Variants in PLPPR4 observed in about 807,000 individuals in gnomAD.
PLPPR4 encodes the protein phospholipid phosphatase related 4.
A neutral mutation model predicts 56.6 loss-of-function variants in PLPPR4; 24 were observed. The observed-to-expected ratio is 0.42, with a 90% CI of 0.31 to 0.60. The LOEUF (loss-of-function observed/expected upper bound fraction) is 0.60. Ranked by LOEUF, PLPPR4 falls within the 20% of genes least tolerant of loss-of-function variation. PLPPR4 has a pLI of 0.13. For synonymous variants in PLPPR4, 326 were observed against 328.1 expected (o/e 0.99, Z 0.07); for missense variants, 654 against 885.8 (o/e 0.74, Z 3.32).
Position 99,296,773 on chromosome 1 carries a change from C to T in PLPPR4, c.300C>T (p.Leu100=), listed in dbSNP as rs1391418026. The change falls in exon 3 of 7, where the codon CTC becomes CTT. Residue 100 remains leucine, a synonymous_variant. Transcript: ENST00000370185. ...GAGAAGGAATTCTCTACTGTTGCCT[C>T]TCCAAAAGAAGAAATGGGGTCGGAC... ...MVGEGILYCC[L]SKRRNGVGLE... 2 of 1,605,598 alleles carry T rather than the reference C, an allele frequency of 1.2e-6. No individual in the cohort carries two copies. Among genetic ancestry groups the T allele is most frequent in the Admixed American group, 1.7e-5 (1 of 59,856 alleles).
At chr1:99,291,464 AC>A in intron 2 of PLPPR4, among the ~76,000 whole-genome samples, 1 of 152,360 alleles carries the variant, frequency 6.6e-6, no homozygotes, top group East Asian at 1.9e-4. Flanking sequence ...TATTATAAAG[AC>A]ACATGTACAC....
intron 1 of PLPPR4, among the ~76,000 whole-genome samples, chr1:99,277,617 TATC>T (rs1422597844): frequency 6.6e-6 from 1 of 152,164 alleles, no homozygotes; most frequent in East Asian, 1.9e-4. Context: ...TTCTGCAAAT[TATC>T]AATGATTTTG....
At chr1:99,270,972 T>C (rs1659044137) in intron 1 of PLPPR4, among the ~76,000 whole-genome samples, 1 of 152,182 alleles carries the variant, frequency 6.6e-6, no homozygotes, top group Non-Finnish European at 1.5e-5. Flanking sequence ...TTTCTACAAA[T>C]CTAAGCATCG....
In PLPPR4 at chr1:99,309,198, G is replaced by A. The variant is rs1660124827; in HGVS notation, c.*2188G>A. ...ATGTATATTTGATAACATGTCTTTTGTAAAACAAAAATTACAAAAAAATTT... is the reference window on the plus strand; with the variant it reads ...ATGTATATTTGATAACATGTCTTTTATAAAACAAAAATTACAAAAAAATTT... On this transcript the variant is annotated 3_prime_UTR_variant, in exon 7 of 7. Transcript: ENST00000370185. 6.6e-6 allele frequency: 1 copy of A among 152,328 alleles called. No individual in the cohort carries two copies. Among genetic ancestry groups the A allele is most frequent in the Non-Finnish European group, 1.5e-5 (1 of 67,968 alleles). 9.4% of individuals were successfully genotyped at this position (152,328 alleles called of 1,614,324 possible). A position where few individuals can be genotyped will look rare whatever the true frequency, so the allele number is the denominator to read the frequency against.
chr1:99,306,471 C>G lies in PLPPR4; in HGVS notation c.1609C>G (p.Gln537Glu). 1.2e-6 allele frequency: 2 copies of G among 1,614,190 alleles called. No homozygotes were observed. Among genetic ancestry groups the G allele is most frequent in the Non-Finnish European group, 1.7e-6 (2 of 1,180,032 alleles). The change falls in exon 7 of 7, where the codon CAG becomes GAG. Residue 537 changes from glutamine (Q) to glutamate (E), a missense_variant. Transcript: ENST00000370185. The surrounding 1 kb of genome is among the most constrained non-coding windows in gnomAD (Gnocchi z 4.0). ...RIMQVIAMSK[Q>E]QGVLQSSPKN... is the part of the protein sequence containing the mutation. ...CATGCAAGTCATAGCCATGTCCAAG[C>G]AGCAGGGTGTCCTCCAAAGCAGCCC...
At chr1:99,296,494 ATG>A (rs1458157589) in intron 2 of PLPPR4, among the ~76,000 whole-genome samples, 1 of 152,190 alleles carries the variant, frequency 6.6e-6, no homozygotes, top group African/African-American at 2.4e-5. Flanking sequence ...TGCTGGTAAA[ATG>A]TTCCAGTACA....
chr1:99,280,993 T>G (rs1392529907), intron 1 of PLPPR4, among the ~76,000 whole-genome samples: 30 of 152,172 alleles, frequency 2.0e-4, no homozygotes, highest in Admixed American at 2.0e-3. Flanking sequence ...GAAAATTAGT[T>G]TGGAAACATT....
intron 2 of PLPPR4, 56 bp from the exon 3 acceptor site, chr1:99,296,682 T>C: frequency 6.9e-7 from 1 of 1,441,420 alleles, no homozygotes; most frequent in Non-Finnish European, 9.4e-7. Flanking sequence ...TTTATACCTG[T>C]TGGCTTAATA....
chr1:99,276,100 C>T (rs550219611), intron 1 of PLPPR4, among the ~76,000 whole-genome samples: 19 of 152,200 alleles, frequency 1.2e-4, no homozygotes, highest in African/African-American at 4.6e-4. Flanking sequence ...TTACATACAC[C>T]AAGCCTTTTC....
intron 3 of PLPPR4, 136 bp from the exon 4 acceptor site, chr1:99,298,899 T>A (rs1659811896): frequency 1.4e-6 from 1 of 740,364 alleles, no homozygotes; most frequent in African/African-American, 1.8e-5. Context: ...GAATTTTCTA[T>A]ACTGTCTTCT....
intron 1 of PLPPR4, among the ~76,000 whole-genome samples, chr1:99,270,956 A>C (rs1363171039): frequency 1.3e-5 from 2 of 152,224 alleles, no homozygotes; most frequent in African/African-American, 2.4e-5. Flanking sequence ...GAGTTAAATG[A>C]GGACATTTCT....
intron 1 of PLPPR4, among the ~76,000 whole-genome samples, chr1:99,283,756 C>T (rs537057414): frequency 6.6e-6 from 1 of 152,236 alleles, no homozygotes; most frequent in East Asian, 1.9e-4. Context: ...TCAAGACCAT[C>T]CTGGCTAACA....
In PLPPR4 at chr1:99,288,116, T is replaced by G; in HGVS notation, c.230T>G (p.Leu77Trp). The change falls in exon 2 of 7, where the codon TTG (leucine) becomes TGG (tryptophan). Residue 77 changes from leucine (L) to tryptophan (W), a missense_variant. Leu to Trp is a moderately conservative substitution (Grantham distance 61). This residue lies in a region of PLPPR4 where 186 missense variants were observed against 331.4 expected (regional missense o/e 0.56). Transcript: ENST00000370185. ...CAGGAGGCAATTCCATTCCTCATGT[T>G]GCTTAGCTTGGCTTTTGCTGGACCT... Reference protein sequence around the residue: ...PTQEAIPFLMLLSLAFAGPAI... With the variant: ...PTQEAIPFLMWLSLAFAGPAI... 4 of 1,613,782 alleles carry G rather than the reference T, an allele frequency of 2.5e-6. No homozygotes were observed. Among genetic ancestry groups the G allele is most frequent in the Non-Finnish European group, 3.4e-6 (4 of 1,179,806 alleles).
chr1:99,284,987 G>A (rs1040279980), intron 1 of PLPPR4, among the ~76,000 whole-genome samples: 1 of 152,046 alleles, frequency 6.6e-6, no homozygotes, highest in African/African-American at 2.4e-5. Context: ...AGTACTAGGG[G>A]ATTAAAACTG....
intron 1 of PLPPR4, among the ~76,000 whole-genome samples, chr1:99,285,964 G>T (rs1659453402): frequency 6.6e-6 from 1 of 152,152 alleles, no homozygotes; most frequent in African/African-American, 2.4e-5. Flanking sequence ...GCTCCTTGGT[G>T]ACCAAGTCTA....
intron 3 of PLPPR4, among the ~76,000 whole-genome samples, chr1:99,298,345 C>T (rs1308202686): frequency 1.8e-4 from 27 of 152,080 alleles, no homozygotes; most frequent in Admixed American, 1.8e-3. Context: ...TTCAAGCAGG[C>T]ATGGAGTTTG....
At chr1:99,265,931 A>T (rs889191789) in intron 1 of PLPPR4, among the ~76,000 whole-genome samples, 4 of 152,242 alleles carry the variant, frequency 2.6e-5, no homozygotes, top group Non-Finnish European at 5.9e-5. Flanking sequence ...TAACTTTCAG[A>T]GAAATGATGG....
chr1:99,283,666 T>G (rs111995585), intron 1 of PLPPR4, among the ~76,000 whole-genome samples: 23 of 152,266 alleles, frequency 1.5e-4, no homozygotes, highest in African/African-American at 5.5e-4. Context: ...AATAGCTCGG[T>G]TTGGCTGGGC....
At chr1:99,276,976 T>C (rs1023788160) in intron 1 of PLPPR4, among the ~76,000 whole-genome samples, 11 of 152,156 alleles carry the variant, frequency 7.2e-5, no homozygotes, top group African/African-American at 2.4e-4. Flanking sequence ...CTAGCAAAGC[T>C]TTCTTGGGCT....
Sources: allele counts gnomAD v4.1 joint callset (sites outside exome capture counted in the v4.1 genomes callset), GRCh38; gene constraint gnomAD v4.1.1; regional missense constraint gnomAD v4.1.1; non-coding constraint Gnocchi (gnomAD v3.1); transcripts MANE v1.5; gene names NCBI Gene and HGNC (gene_info 2026-07-23, HGNC 2026-07-21).